The following ARHGAP31 variants were observed in gnomAD, a reference collection of about 807,000 sequenced individuals.
ARHGAP31 encodes rho GTPase-activating protein 31.
Under a neutral mutation model 113.9 loss-of-function variants are expected in ARHGAP31, and 34 were observed. The observed-to-expected ratio is 0.30, with a 90% CI of 0.23 to 0.40. The LOEUF (loss-of-function observed/expected upper bound fraction) is 0.40. ARHGAP31 is among the 10% of genes least tolerant of loss of function. The probability of loss-of-function intolerance (pLI) is 1.00; values close to 1 mark genes in which losing one functional copy is unlikely to be tolerated. For synonymous variants in ARHGAP31, 650 were observed against 684.8 expected (o/e 0.95, Z 0.79); for missense variants, 1,548 against 1,767.1 (o/e 0.88, Z 2.22).
At chr3:119,305,382 G>C (rs1470457367) in intron 1 of ARHGAP31, among the ~76,000 whole-genome samples, 1 of 152,192 alleles carries the variant, frequency 6.6e-6, no homozygotes, top group Admixed American at 6.5e-5. Context: ...TCTAAACAGA[G>C]AGCATGCCCT....
At chr3:119,341,069 T>C (rs934260659) in intron 1 of ARHGAP31, among the ~76,000 whole-genome samples, 2 of 152,090 alleles carry the variant, frequency 1.3e-5, no homozygotes, top group African/African-American at 4.8e-5. Context: ...CTCATAAATA[T>C]TTGCTGAATG....
At chr3:119,323,557 C>T (rs1353734815) in intron 1 of ARHGAP31, among the ~76,000 whole-genome samples, 3 of 151,814 alleles carry the variant, frequency 2.0e-5, no homozygotes, top group Non-Finnish European at 2.9e-5. Context: ...TGACAGGAAA[C>T]GAAGAGGGAG....
chr3:119,373,309 T>C (rs570892296), intron 3 of ARHGAP31, among the ~76,000 whole-genome samples: 31 of 152,266 alleles, frequency 2.0e-4, no homozygotes, highest in African/African-American at 7.0e-4. Flanking sequence ...CCTTGATAGA[T>C]AATTCCTAAA....
chr3:119,377,810 TA>T (rs71617682), intron 3 of ARHGAP31, among the ~76,000 whole-genome samples: 41,353 of 151,566 alleles, frequency 0.27, 5,861 homozygotes, highest in South Asian at 0.34. Context: ...GTAAATAGCT[TA>T]AAATACCTTA....
chr3:119,294,475 C>T lies in ARHGAP31; in HGVS notation c.-430C>T, dbSNP rs2107588738. ...GAGACAGCGGGCCCAGGGCGCAGGACCCACCGCAGCCCCCTGGGCAGTCTC... is the reference window on the plus strand; with the variant it reads ...GAGACAGCGGGCCCAGGGCGCAGGATCCACCGCAGCCCCCTGGGCAGTCTC... On this transcript the variant is annotated 5_prime_UTR_variant, in exon 1 of 12. Coordinates refer to ENST00000264245, the MANE Select transcript of ARHGAP31 (RefSeq NM_020754.4). 1 of 433,658 alleles carries T rather than the reference C, an allele frequency of 2.3e-6. No individual in the cohort carries two copies. The highest frequency in any genetic ancestry group is 3.5e-5 in the East Asian group (1 of 28,486). The allele number at this position is 433,658 out of a possible 1,614,324, so 26.9% of individuals were successfully genotyped here.
Position 119,409,599 on chromosome 3 carries a change from C to G in ARHGAP31, c.1749C>G (p.His583Gln). ...GCCTGTCCCAGGAGCCAGGCGCCCA[C>G]CTGGAGGAGAAGAAAACCCCAGAAA... ...SKGLSQEPGA[H>Q]LEEKKTPESS... The change falls in exon 11 of 12, where the codon CAC becomes CAG. Residue 583 changes from histidine (H) to glutamine (Q), a missense_variant. His to Gln is a conservative substitution (Grantham distance 24). Transcript: ENST00000264245. 3 of 1,614,068 alleles carry G rather than the reference C, an allele frequency of 1.9e-6. No individual in the cohort carries two copies. Among genetic ancestry groups the G allele is most frequent in the Non-Finnish European group, 2.5e-6 (3 of 1,179,970 alleles).
chr3:119,380,152 G>C (rs1251146544), intron 3 of ARHGAP31, among the ~76,000 whole-genome samples: 1 of 152,150 alleles, frequency 6.6e-6, no homozygotes, highest in African/African-American at 2.4e-5. Flanking sequence ...GAGCAAGTCT[G>C]GGCAAGGCCA....
intron 6 of ARHGAP31, among the ~76,000 whole-genome samples, chr3:119,388,663 G>A (rs73187867): frequency 0.071 from 10,854 of 152,162 alleles, 499 homozygotes; most frequent in Non-Finnish European, 0.11. Context: ...GTAGAGTTAC[G>A]AGCCTTGCTT....
intron 1 of ARHGAP31, among the ~76,000 whole-genome samples, chr3:119,323,886 G>C (rs998814715): frequency 6.6e-6 from 1 of 152,198 alleles, no homozygotes; most frequent in Admixed American, 6.5e-5. Flanking sequence ...TCACAATCAG[G>C]CTGTTAACGC....
chr3:119,324,812 A>G (rs1297759700), intron 1 of ARHGAP31: 1 of 421,082 alleles, frequency 2.4e-6, no homozygotes, highest in Non-Finnish European at 4.8e-6. Context: ...AGTATTGAGC[A>G]TAACTTTTAA....
chr3:119,391,589 A>ACCCCCCCCCCCCCCCCCCCC (rs368549202), intron 7 of ARHGAP31, among the ~76,000 whole-genome samples: 125 of 103,700 alleles, frequency 1.2e-3, no homozygotes, highest in East Asian at 1.7e-3. Context: ...CTGGGTCTCT[A>ACCCCCCCCCCCCCCCCCCCC]CCCCCCCCTC....
At chr3:119,305,590 A>T (rs1402458514) in intron 1 of ARHGAP31, among the ~76,000 whole-genome samples, 1 of 152,114 alleles carries the variant, frequency 6.6e-6, no homozygotes, top group African/African-American at 2.4e-5. Context: ...TTTGGCGACA[A>T]TTGTTGGCTT....
chr3:119,306,678 G>A (rs996696089), intron 1 of ARHGAP31, among the ~76,000 whole-genome samples: 2 of 152,216 alleles, frequency 1.3e-5, no homozygotes, highest in African/African-American at 4.8e-5. Context: ...AAGTGCTGCT[G>A]CAAGTCAGGA....
At position 119,416,110 on chromosome 3, in the gene ARHGAP31, A is replaced by G. The variant is rs2080775253; in HGVS notation, c.4181A>G (p.Glu1394Gly). The G allele has an allele frequency of 1.9e-6, 3 of 1,614,234 alleles. No homozygotes were observed. Among genetic ancestry groups the G allele is most frequent in the African/African-American group, 1.3e-5 (1 of 75,060 alleles). The change falls in exon 12 of 12, where the codon GAA (glutamate) becomes GGA (glycine). Residue 1394 changes from glutamate (E) to glycine (G), a missense_variant. Physicochemically the swap from Glu to Gly is moderately conservative, Grantham distance 98. Transcript: ENST00000264245. ...GGCCTTCTTTGTGGAGAGTTGGCAGAAAACACATGGGTCACACCAGAAGGG... is the reference window on the plus strand; with the variant it reads ...GGCCTTCTTTGTGGAGAGTTGGCAGGAAACACATGGGTCACACCAGAAGGG... The part of the protein sequence containing the change: ...SPGLLCGELA[E>G]NTWVTPEGVT...
chr3:119,319,093 A>T (rs2079759834), intron 1 of ARHGAP31, among the ~76,000 whole-genome samples: 2 of 152,152 alleles, frequency 1.3e-5, no homozygotes, highest in South Asian at 4.1e-4. Flanking sequence ...ACTGTGGAAC[A>T]GATGTTCTAA....
At chr3:119,368,553 G>T in intron 3 of ARHGAP31, 37 bp downstream of exon 3, 2 of 1,612,414 alleles carry the variant, frequency 1.2e-6, no homozygotes, top group Non-Finnish European at 1.7e-6. Flanking sequence ...TACTGGGTGG[G>T]ATGCATGGAT....
intron 10 of ARHGAP31, among the ~76,000 whole-genome samples, chr3:119,409,043 C>G (rs2080690794): frequency 6.6e-6 from 1 of 152,102 alleles, no homozygotes; most frequent in African/African-American, 2.4e-5. Context: ...CACGGTGTCT[C>G]AACTTCAGCA....
intron 1 of ARHGAP31, among the ~76,000 whole-genome samples, chr3:119,364,963 G>A (rs981926085): frequency 9.9e-5 from 15 of 152,048 alleles, no homozygotes; most frequent in African/African-American, 3.1e-4. Flanking sequence ...GCGTGGTGGC[G>A]GGTGCCTGTA....
At chr3:119,300,365 T>A (rs2079570564) in intron 1 of ARHGAP31, among the ~76,000 whole-genome samples, 1 of 152,136 alleles carries the variant, frequency 6.6e-6, no homozygotes, top group South Asian at 2.1e-4. Flanking sequence ...AATGATATGA[T>A]AAGATGGAGC....
Sources: gnomAD v4.1 joint callset for allele counts (sites outside exome capture counted in the v4.1 genomes callset) on GRCh38, gnomAD v4.1.1 for gene constraint, MANE v1.5 for transcripts, NCBI Gene and HGNC (gene_info 2026-07-23, HGNC 2026-07-21) for gene names.